MANBA: variants seen among roughly 807,000 people sequenced by gnomAD.
The protein encoded by MANBA is beta-mannosidase.
Under a neutral mutation model 111.1 loss-of-function variants are expected in MANBA, and 83 were observed. The ratio of observed to expected loss-of-function variants is 0.75; its 90% confidence interval spans 0.63 to 0.90. The LOEUF is 0.90. Ranked by LOEUF, MANBA falls within the 40% of genes least tolerant of loss-of-function variation. The pLI is 0.00. For missense variants in MANBA, 1,036 were observed against 1,069.0 expected (o/e 0.97, Z 0.43); for synonymous variants, 370 against 378.7 (o/e 0.98, Z 0.27).
At chr4:102,751,573 A>G in intron 1 of MANBA, 1 of 537,908 alleles carries the variant, frequency 1.9e-6, no homozygotes, top group South Asian at 1.4e-5. Context: ...TTCCTTATTA[A>G]GGGCCAGTTT....
At chr4:102,675,534 T>C (rs1242120428) in intron 7 of MANBA, among the ~76,000 whole-genome samples, 1 of 152,210 alleles carries the variant, frequency 6.6e-6, no homozygotes, top group Non-Finnish European at 1.5e-5. Context: ...AATTCTTACT[T>C]TGAACCCCAA....
chr4:102,632,367 G>A, intron 16 of MANBA, 86 bp from the exon 17 acceptor site: 2 of 1,125,450 alleles, frequency 1.8e-6, no homozygotes, highest in African/African-American at 1.5e-5. Flanking sequence ...ACATTTATGT[G>A]GGCTTAACAA....
At chr4:102,752,562 G>C in intron 1 of MANBA, 1 of 674,892 alleles carries the variant, frequency 1.5e-6, no homozygotes, top group Admixed American at 1.8e-5. Flanking sequence ...AGGGACACAG[G>C]GCTACTTTTC....
At chr4:102,685,182 G>C (rs1443611530) in intron 7 of MANBA, among the ~76,000 whole-genome samples, 2 of 152,140 alleles carry the variant, frequency 1.3e-5, no homozygotes, top group African/African-American at 4.8e-5. Context: ...GAGGTGTGAA[G>C]TGCTAGTAAT....
intron 5 of MANBA, among the ~76,000 whole-genome samples, chr4:102,710,297 A>G (rs564454495): frequency 6.6e-6 from 1 of 152,296 alleles, no homozygotes; most frequent in East Asian, 1.9e-4. Context: ...GATCTGATAA[A>G]TAAATTCAGC....
chr4:102,703,075 C>A (rs1011370380), intron 5 of MANBA, among the ~76,000 whole-genome samples: 1 of 152,130 alleles, frequency 6.6e-6, no homozygotes, highest in Non-Finnish European at 1.5e-5. Context: ...AAAATGCAAA[C>A]CATTTTTAAC....
rs1391275524 is a variant in MANBA at position 102,727,438 on chromosome 4, T to C, written c.178-755A>G. The C allele has an allele frequency of 6.1e-6, 8 of 1,308,362 alleles. 1 individual carries two copies. The South Asian group carries it at 9.5e-5, about 15-fold the overall frequency. 81.0% of individuals were successfully genotyped at this position (1,308,362 alleles called of 1,614,324 possible). On this transcript the variant is annotated intron_variant, in intron 1 of 16. Coordinates refer to ENST00000647097, the MANE Select transcript of MANBA (RefSeq NM_005908.4). Reference sequence around the variant, plus strand: ...GGAGATGAGCTTGGTATAGGCCAATTGCACATGGGTCTCAGAGCACTCCAT... The same window carrying C: ...GGAGATGAGCTTGGTATAGGCCAATCGCACATGGGTCTCAGAGCACTCCAT...
At chr4:102,660,587 C>T (rs1730890271) in intron 11 of MANBA, among the ~76,000 whole-genome samples, 1 of 151,726 alleles carries the variant, frequency 6.6e-6, no homozygotes, top group Admixed American at 6.6e-5. Context: ...TCCCAAGTAG[C>T]TAGGACTACA....
At chr4:102,643,996 C>T (rs753050929) in intron 13 of MANBA, among the ~76,000 whole-genome samples, 3 of 152,050 alleles carry the variant, frequency 2.0e-5, no homozygotes, top group African/African-American at 7.2e-5. Flanking sequence ...AAAATTTATA[C>T]CTATGTTTCC....
At chr4:102,650,337 T>C (rs1730273904) in intron 13 of MANBA, among the ~76,000 whole-genome samples, 200 bp downstream of exon 13, 1 of 152,240 alleles carries the variant, frequency 6.6e-6, no homozygotes, top group African/African-American at 2.4e-5. Context: ...TTGTGAGCTG[T>C]TTTTGTAAGA....
chr4:102,746,796 C>G (rs1429580453), intron 1 of MANBA, among the ~76,000 whole-genome samples: 1 of 151,960 alleles, frequency 6.6e-6, no homozygotes, highest in Non-Finnish European at 1.5e-5. Context: ...CATGGTGAAA[C>G]CCCGTCTCTA....
At chr4:102,722,607 T>A (rs1722627187) in intron 4 of MANBA, 1 of 449,998 alleles carries the variant, frequency 2.2e-6, no homozygotes, top group Admixed American at 3.5e-5. Context: ...TAAAGTTCCA[T>A]TATCAGCCAC....
intron 14 of MANBA, among the ~76,000 whole-genome samples, chr4:102,636,401 C>A (rs1729636476): frequency 6.6e-6 from 1 of 152,122 alleles, no homozygotes; most frequent in African/African-American, 2.4e-5. Flanking sequence ...GTAGGTAATT[C>A]TAATCATAGA....
intron 5 of MANBA, among the ~76,000 whole-genome samples, chr4:102,711,107 A>G (rs1477454444): frequency 6.6e-6 from 1 of 152,186 alleles, no homozygotes; most frequent in African/African-American, 2.4e-5. Context: ...AAACATAAAC[A>G]TAGACAAATA....
intron 4 of MANBA, among the ~76,000 whole-genome samples, chr4:102,720,891 A>C (rs575936883): frequency 1.3e-5 from 2 of 152,364 alleles, no homozygotes; most frequent in East Asian, 3.8e-4. Context: ...ATATTAAGGA[A>C]ACATAATTTA....
At chr4:102,688,481 G>T (rs778776712) in intron 7 of MANBA, among the ~76,000 whole-genome samples, 3 of 151,726 alleles carry the variant, frequency 2.0e-5, no homozygotes, top group Admixed American at 2.0e-4. Flanking sequence ...ATGCACTCCT[G>T]AAGGACATAT....
intron 12 of MANBA, among the ~76,000 whole-genome samples, chr4:102,653,048 T>C: frequency 6.6e-6 from 1 of 152,140 alleles, no homozygotes; most frequent in East Asian, 1.9e-4. Flanking sequence ...CCCAGAAGGA[T>C]CTGAAGAAAA....
Position 102,760,953 on chromosome 4 carries a change from G to C in MANBA, c.-59C>G. 2 of 1,488,072 alleles carry C rather than the reference G, an allele frequency of 1.3e-6. No individual in the cohort carries two copies. The highest frequency in any genetic ancestry group is 1.8e-6 in the Non-Finnish European group (2 of 1,103,760). 92.2% of individuals were successfully genotyped at this position (1,488,072 alleles called of 1,614,324 possible). ...TCGAAAGGCAGCGCTGCAAGGGACC[G>C]GCGGTGAAGCCACTCACCCCCTCGG... is the stretch of plus-strand genomic sequence containing the variant. On this transcript the variant is annotated 5_prime_UTR_variant, in exon 1 of 17. Coordinates refer to ENST00000647097, the MANE Select transcript of MANBA (RefSeq NM_005908.4).
chr4:102,742,057 T>C (rs1723422599), intron 1 of MANBA, among the ~76,000 whole-genome samples: 1 of 152,184 alleles, frequency 6.6e-6, no homozygotes, highest in African/African-American at 2.4e-5. Context: ...GGATCTCCTG[T>C]ATTCCACGCA....
Sources: gnomAD v4.1 joint callset for allele counts (sites outside exome capture counted in the v4.1 genomes callset) on GRCh38, gnomAD v4.1.1 for gene constraint, MANE v1.5 for transcripts, NCBI Gene and HGNC (gene_info 2026-07-23, HGNC 2026-07-21) for gene names.